The following NECTIN2 variants were observed in gnomAD, a reference collection of about 807,000 sequenced individuals.
NECTIN2 encodes nectin-2.
Under a neutral mutation model 56.9 loss-of-function variants are expected in NECTIN2, and 23 were observed. The ratio of observed to expected loss-of-function variants is 0.40; its 90% confidence interval spans 0.29 to 0.57. The LOEUF is 0.57. Ranked by LOEUF, NECTIN2 falls within the 20% of genes least tolerant of loss-of-function variation. The pLI is 0.38. For synonymous variants in NECTIN2, 302 were observed against 313.8 expected, an observed-to-expected ratio of 0.96 and a Z score of 0.40; for missense variants, 587 against 718.3, an observed-to-expected ratio of 0.82 and a Z score of 2.09.
At chr19:44,846,745 C>T in intron 1 of NECTIN2, 132 bp downstream of exon 1, 1 of 1,072,604 alleles carries the variant, frequency 9.3e-7, no homozygotes, top group Non-Finnish European at 1.3e-6. Flanking sequence ...CCCTTCCTGG[C>T]TGGCCCCACA....
intron 6 of NECTIN2, among the ~76,000 whole-genome samples, chr19:44,883,116 T>C (rs1969326509): frequency 6.6e-6 from 1 of 152,164 alleles, no homozygotes; most frequent in Non-Finnish European, 1.5e-5. Context: ...GGTTCCTAAA[T>C]TGTTATGGAG....
chr19:44,878,449 G>T (rs942956832), intron 5 of NECTIN2: 21 of 1,602,940 alleles, frequency 1.3e-5, no homozygotes, highest in Non-Finnish European at 1.8e-5. Context: ...CCGTCTTCTG[G>T]ACACCAGTAG....
chr19:44,874,656 T>TCA lies in NECTIN2; in HGVS notation c.1042+178_1042+179insCA. Reference sequence around the variant, plus strand: ...CCCCTCGTGGCCTCAGACTGGGGTCTGGATTTGGGGTGTCGGGGTAGGTGA... The same window carrying TCA: ...CCCCTCGTGGCCTCAGACTGGGGTCTCAGGATTTGGGGTGTCGGGGTAGGTGA... On this transcript the variant is annotated intron_variant, in intron 5 of 8. Coordinates refer to ENST00000252483, the MANE Select transcript of NECTIN2 (RefSeq NM_001042724.2). The surrounding 1 kb of genome is among the most constrained non-coding windows in gnomAD (Gnocchi z 6.3). 1 of 738,170 alleles carries TCA rather than the reference T, an allele frequency of 1.4e-6. No individual in the cohort carries two copies. Among genetic ancestry groups the TCA allele is most frequent in the Non-Finnish European group, 2.2e-6 (1 of 456,976 alleles). The allele number at this position is 738,170 out of a possible 1,614,324, so 45.7% of individuals were successfully genotyped here.
At chr19:44,866,082 G>C (rs1456743440) in intron 2 of NECTIN2, among the ~76,000 whole-genome samples, 2 of 151,966 alleles carry the variant, frequency 1.3e-5, no homozygotes, top group Non-Finnish European at 2.9e-5. Context: ...TGAGTCAGGA[G>C]AATCGCTTGA....
chr19:44,847,730 C>T (rs1382133550), intron 1 of NECTIN2, among the ~76,000 whole-genome samples: 1 of 152,080 alleles, frequency 6.6e-6, no homozygotes, highest in African/African-American at 2.4e-5. Context: ...AGGGGCGGGG[C>T]GGGCGCTCCT....
chr19:44,864,955 T>TTCA (rs1969079899), intron 1 of NECTIN2, among the ~76,000 whole-genome samples: 1 of 152,216 alleles, frequency 6.6e-6, no homozygotes, highest in South Asian at 2.1e-4. Flanking sequence ...ACATTGCGAC[T>TTCA]TCATATCTTC....
chr19:44,882,004 T>G, intron 5 of NECTIN2: 1 of 403,338 alleles, frequency 2.5e-6, no homozygotes, highest in Non-Finnish European at 4.3e-6. Context: ...ACACTTTGTA[T>G]GTTTTGTTCT....
chr19:44,852,004 A>G (rs1337595182), intron 1 of NECTIN2, among the ~76,000 whole-genome samples: 2 of 151,396 alleles, frequency 1.3e-5, no homozygotes, highest in East Asian at 3.9e-4. Flanking sequence ...TTCCCATTCC[A>G]AGTTCTGAGT....
At position 44,874,802 on chromosome 19, in the gene NECTIN2, G is replaced by C. The variant is rs1028763835; in HGVS notation, c.1042+324G>C. Reference sequence around the variant, plus strand: ...CTGGGCTCCAGCTCCTGAGAAAGACGCACACCTAGAGTCAGGCATGCAAAC... The same window carrying C: ...CTGGGCTCCAGCTCCTGAGAAAGACCCACACCTAGAGTCAGGCATGCAAAC... On this transcript the variant is annotated intron_variant, in intron 5 of 8. Coordinates refer to ENST00000252483, the MANE Select transcript of NECTIN2 (RefSeq NM_001042724.2). The surrounding 1 kb of genome is among the most constrained non-coding windows in gnomAD (Gnocchi z 6.3). 1 of 281,724 alleles carries C rather than the reference G, an allele frequency of 3.5e-6. No homozygotes were observed. Among genetic ancestry groups the C allele is most frequent in the Non-Finnish European group, 7.0e-6 (1 of 142,226 alleles). 17.5% of individuals were successfully genotyped at this position (281,724 alleles called of 1,614,324 possible). A position where few individuals can be genotyped will look rare whatever the true frequency, so the allele number is the denominator to read the frequency against.
Position 44,874,481 on chromosome 19 carries a change from G to A in NECTIN2, c.1042+3G>A. On this transcript the variant is annotated splice_donor_region_variant and intron_variant, in intron 5 of 8. Coordinates refer to ENST00000252483, the MANE Select transcript of NECTIN2 (RefSeq NM_001042724.2). This position sits in a 1 kb window ranked among gnomAD's most constrained non-coding sequence, Gnocchi z 6.3. The stretch of plus-strand genomic sequence containing the variant: ...TGAGCAGGTCATCTTTGTCCGAGGT[G>A]AGTGGGTCTTGGGGGCCGTGTGTGG... The A allele has an allele frequency of 6.2e-7, 1 of 1,613,124 alleles. No homozygotes were observed. The highest frequency in any genetic ancestry group is 8.5e-7 in the Non-Finnish European group (1 of 1,180,024).
intron 1 of NECTIN2, among the ~76,000 whole-genome samples, chr19:44,862,279 GTGGCGGGCACCTGTA>G: frequency 1.4e-5 from 1 of 69,180 alleles, no homozygotes; most frequent in Non-Finnish European, 3.9e-5. Flanking sequence ...ACTGTGTGTG[GTGGCGGGCACCTGTA>G]GTCCCAGCTA....
intron 3 of NECTIN2, among the ~76,000 whole-genome samples, chr19:44,872,579 T>G (rs779180421): frequency 6.6e-6 from 1 of 152,100 alleles, no homozygotes; most frequent in Non-Finnish European, 1.5e-5. Context: ...GTGTCTTTTC[T>G]GGCTCCCATG....
intron 5 of NECTIN2, among the ~76,000 whole-genome samples, chr19:44,876,516 T>C (rs1319322446): frequency 6.6e-6 from 1 of 151,932 alleles, no homozygotes; most frequent in African/African-American, 2.4e-5. Context: ...ACGTGCATGC[T>C]CCAAGCACTC....
rs1337624448 is a variant in NECTIN2, at chr19:44,879,037, T to C, written c.1043-3174T>C. The C allele has an allele frequency of 2.0e-5, 11 of 555,402 alleles. No homozygotes were observed. In the South Asian group the frequency reaches 2.9e-4, roughly 15 times the overall value. 34.4% of individuals were successfully genotyped at this position (555,402 alleles called of 1,614,324 possible). A position where few individuals can be genotyped will look rare whatever the true frequency, so the allele number is the denominator to read the frequency against. On this transcript the variant is annotated intron_variant, in intron 5 of 8. Coordinates refer to ENST00000252483, the MANE Select transcript of NECTIN2 (RefSeq NM_001042724.2). ...AGGTCCCAGGGCTGGGAAGAGCTGA[T>C]CCACGCCCCCGGGGAACGAGAGCCT...
chr19:44,862,786 G>A (rs755280347), intron 1 of NECTIN2, among the ~76,000 whole-genome samples: 10 of 152,064 alleles, frequency 6.6e-5, no homozygotes, highest in East Asian at 1.9e-4. Context: ...AGGCCGACAC[G>A]GGTGGATCAC....
At chr19:44,876,064 C>A (rs1411823610) in intron 5 of NECTIN2, among the ~76,000 whole-genome samples, 1 of 152,142 alleles carries the variant, frequency 6.6e-6, no homozygotes, top group Non-Finnish European at 1.5e-5. Flanking sequence ...CTGGGAGGAG[C>A]TTCTTCCCAG....
chr19:44,882,415 G>T, intron 6 of NECTIN2, 51 bp downstream of exon 6: 1 of 1,339,058 alleles, frequency 7.5e-7, no homozygotes, highest in Non-Finnish European at 9.7e-7. Flanking sequence ...AAGAACTGAG[G>T]AGTATGGGGT....
At position 44,872,069 on chromosome 19, in the gene NECTIN2, A is replaced by G; in HGVS notation, c.695A>G (p.Asp232Gly). The G allele has an allele frequency of 1.9e-6, 3 of 1,614,162 alleles. No homozygotes were observed. Among genetic ancestry groups the G allele is most frequent in the Non-Finnish European group, 2.5e-6 (3 of 1,180,028 alleles). Reference protein sequence around the residue: ...RFTLVPSGRADGVTVTCKVEH... With the variant: ...RFTLVPSGRAGGVTVTCKVEH... ...ACCTTGGTGCCCTCGGGCCGAGCAGATGGTGTCACGGTCACCTGCAAAGTG... is the reference window on the plus strand; with the variant it reads ...ACCTTGGTGCCCTCGGGCCGAGCAGGTGGTGTCACGGTCACCTGCAAAGTG... Residue 232 changes from aspartate to glycine, a missense_variant, in exon 3 of 9, where the codon GAT (aspartate) becomes GGT (glycine). Transcript: ENST00000252483.
intron 2 of NECTIN2, among the ~76,000 whole-genome samples, chr19:44,866,781 G>A (rs1401249087): frequency 3.9e-5 from 6 of 152,246 alleles, no homozygotes; most frequent in African/African-American, 7.2e-5. Flanking sequence ...CTTAGCAGCA[G>A]ACAGGTTTGA....
Sources: gnomAD v4.1 joint callset for allele counts (sites outside exome capture counted in the v4.1 genomes callset) on GRCh38, gnomAD v4.1.1 for gene constraint, Gnocchi (gnomAD v3.1) non-coding constraint, MANE v1.5 for transcripts, NCBI Gene and HGNC (gene_info 2026-07-23, HGNC 2026-07-21) for gene names.